The following JAZF1 variants were observed in gnomAD, a reference collection of about 807,000 sequenced individuals.
JAZF1 encodes juxtaposed with another zinc finger protein 1.
In JAZF1, 8 loss-of-function variants were observed where a neutral mutation model predicts 26.4. That is an observed-to-expected ratio of 0.30 (90% confidence interval 0.18 to 0.55). The LOEUF (loss-of-function observed/expected upper bound fraction) is 0.55. Among genes scored for constraint, JAZF1 ranks in the 20% least tolerant of loss-of-function variants. JAZF1 has a pLI of 0.94. For synonymous variants in JAZF1, 126 were observed against 122.3 expected (o/e 1.03, Z -0.20); for missense variants, 199 against 322.0 (o/e 0.62, Z 2.92).
At chr7:27,873,342 A>T (rs1406722499) in intron 3 of JAZF1, among the ~76,000 whole-genome samples, 1 of 152,164 alleles carries the variant, frequency 6.6e-6, no homozygotes, top group African/African-American at 2.4e-5. Context: ...TGATTGCATT[A>T]GTTACTTTGC....
chr7:28,086,623 T>C (rs780978368), intron 1 of JAZF1, among the ~76,000 whole-genome samples: 3 of 152,172 alleles, frequency 2.0e-5, no homozygotes, highest in South Asian at 2.1e-4. Context: ...AGTAGTAAAA[T>C]TGATGCATGA....
chr7:27,912,910 G>A (rs1249339641), intron 2 of JAZF1, among the ~76,000 whole-genome samples: 3 of 152,104 alleles, frequency 2.0e-5, no homozygotes, highest in African/African-American at 7.2e-5. Flanking sequence ...CGTGATGGTG[G>A]CAGATACTGT....
intron 1 of JAZF1, among the ~76,000 whole-genome samples, chr7:28,048,575 G>A (rs1783535619): frequency 6.6e-6 from 1 of 151,998 alleles, no homozygotes; most frequent in Admixed American, 6.6e-5. Flanking sequence ...GAACTGCTTT[G>A]GCCAGACTTC....
At chr7:28,085,229 T>C (rs1248387770) in intron 1 of JAZF1, among the ~76,000 whole-genome samples, 1 of 152,218 alleles carries the variant, frequency 6.6e-6, no homozygotes, top group African/African-American at 2.4e-5. Context: ...AAACATATGA[T>C]TTTTATGTGG....
chr7:27,835,717 C>A (rs1157638670), intron 4 of JAZF1, among the ~76,000 whole-genome samples: 1 of 152,188 alleles, frequency 6.6e-6, no homozygotes, highest in East Asian at 1.9e-4. Flanking sequence ...CATTCAGTTA[C>A]AGGCCGCGGG....
intron 2 of JAZF1, among the ~76,000 whole-genome samples, chr7:27,905,220 T>TCC (rs1291587942): frequency 6.6e-6 from 1 of 152,210 alleles, no homozygotes; most frequent in Non-Finnish European, 1.5e-5. Context: ...TGCCTTGGCC[T>TCC]CCCAAAGTGC....
intron 2 of JAZF1, among the ~76,000 whole-genome samples, chr7:27,929,936 T>TTC (rs112011020): frequency 0.015 from 2,209 of 144,752 alleles, 35 homozygotes; most frequent in African/African-American, 0.038. Context: ...ATTTTCTGCA[T>TTC]TCTCTCTCTC....
chr7:27,917,310 C>A (rs1009165000), intron 2 of JAZF1, among the ~76,000 whole-genome samples: 2 of 152,174 alleles, frequency 1.3e-5, no homozygotes, highest in Non-Finnish European at 2.9e-5. Flanking sequence ...CCTGTTCCAG[C>A]GTGCCTCTCC....
At chr7:28,064,130 ATG>A (rs1176431641) in intron 1 of JAZF1, among the ~76,000 whole-genome samples, 1 of 152,064 alleles carries the variant, frequency 6.6e-6, no homozygotes, top group Non-Finnish European at 1.5e-5. Flanking sequence ...ATATATATAT[ATG>A]TCTGAGGTAG....
At chr7:27,958,158 A>G (rs1478968320) in intron 2 of JAZF1, among the ~76,000 whole-genome samples, 1 of 152,230 alleles carries the variant, frequency 6.6e-6, no homozygotes, top group South Asian at 2.1e-4. Context: ...GTATAAAGGC[A>G]TATGTAAGAA....
At chr7:27,968,331 G>C (rs1223563375) in intron 2 of JAZF1, among the ~76,000 whole-genome samples, 1 of 152,146 alleles carries the variant, frequency 6.6e-6, no homozygotes, top group Non-Finnish European at 1.5e-5. Context: ...AGAGGTGGTA[G>C]CAACTGGTGA....
intron 3 of JAZF1, among the ~76,000 whole-genome samples, chr7:27,864,639 A>T (rs1176077128): frequency 6.6e-6 from 1 of 152,198 alleles, no homozygotes; most frequent in Non-Finnish European, 1.5e-5. Context: ...CCTGAGTAGC[A>T]CCAAGAAAAT....
At position 27,840,164 on chromosome 7, in the gene JAZF1, G is replaced by T. The variant is rs181688576; in HGVS notation, c.555+534C>A. 5.3e-5 allele frequency among the ~76,000 whole-genome samples: 8 copies of T among 152,250 alleles called. No homozygotes were observed. Among genetic ancestry groups the T allele is most frequent in the Admixed American group, 5.2e-4 (8 of 15,290 alleles). ...ATGGTTTGGTGAGAAAAATATCAAA[G>T]GCCTTTTTTCTCCTGATCCCCTTTC... On this transcript the variant is annotated intron_variant, in intron 4 of 4. Transcript: ENST00000283928. This position sits in a 1 kb window ranked among gnomAD's most constrained non-coding sequence, Gnocchi z 5.1.
At chr7:27,871,137 C>G (rs1006788896) in intron 3 of JAZF1, among the ~76,000 whole-genome samples, 1 of 152,220 alleles carries the variant, frequency 6.6e-6, no homozygotes, top group East Asian at 1.9e-4. Flanking sequence ...ATTCTAAGTT[C>G]TCAAACCACT....
chr7:27,923,484 C>T (rs535950995), intron 2 of JAZF1, among the ~76,000 whole-genome samples: 7 of 152,310 alleles, frequency 4.6e-5, no homozygotes, highest in Non-Finnish European at 7.3e-5. Flanking sequence ...GCCTGGAATC[C>T]GCTGCCAGAC....
intron 1 of JAZF1, among the ~76,000 whole-genome samples, chr7:28,111,397 ATG>A (rs1315242861): frequency 2.6e-5 from 4 of 152,140 alleles, no homozygotes; most frequent in Admixed American, 2.6e-4. Context: ...CATTTTATTT[ATG>A]TGTTTGTTTA....
intron 3 of JAZF1, among the ~76,000 whole-genome samples, chr7:27,856,048 T>C (rs1021215142): frequency 6.6e-6 from 1 of 152,194 alleles, no homozygotes; most frequent in Non-Finnish European, 1.5e-5. Flanking sequence ...GGGATGCAAG[T>C]GTGTCCGGAA....
At position 27,849,752 on chromosome 7, in the gene JAZF1, G is replaced by GACACACACACACACAC. The variant is rs72394231; in HGVS notation, c.386-8901_386-8886dup. ...ATCAATATTGGAACCCTTACACACAGACACACACACACACACACACACCCC... is the reference window on the plus strand; with the variant it reads ...ATCAATATTGGAACCCTTACACACAGACACACACACACACACACACACACACACACACACACACCCC... On this transcript the variant is annotated intron_variant, in intron 3 of 4. Transcript: ENST00000283928. Among the ~76,000 whole-genome samples the GACACACACACACACAC allele has an allele frequency of 1.4e-3, 153 of 108,472 alleles. 1 individual carries two copies. Among genetic ancestry groups the GACACACACACACACAC allele is most frequent in the Middle Eastern group, 9.3e-3 (2 of 214 alleles). 71.2% of individuals were successfully genotyped at this position (108,472 alleles called of 152,430 possible). A position where few individuals can be genotyped will look rare whatever the true frequency, so the allele number is the denominator to read the frequency against.
chr7:28,022,867 G>A (rs1783030255), intron 1 of JAZF1, among the ~76,000 whole-genome samples: 1 of 152,046 alleles, frequency 6.6e-6, no homozygotes, highest in Non-Finnish European at 1.5e-5. Flanking sequence ...AGTGATTCTC[G>A]TGTCTCAGCC....
Sources: gnomAD v4.1 joint callset for allele counts (sites outside exome capture counted in the v4.1 genomes callset) on GRCh38, gnomAD v4.1.1 for gene constraint, Gnocchi (gnomAD v3.1) non-coding constraint, MANE v1.5 for transcripts, NCBI Gene and HGNC (gene_info 2026-07-23, HGNC 2026-07-21) for gene names.